COXFA4L3: variants seen among roughly 807,000 people sequenced by gnomAD.
COXFA4L3 encodes the protein MIR147B host.
the COXFA4L3 span, chr15:45,432,238 T>C: frequency 4.5e-6 from 4 of 883,150 alleles, no homozygotes; most frequent in East Asian, 2.6e-5. Flanking sequence ...CTTAGATCAA[T>C]TGTGCCTTCA....
At chr15:45,433,117 C>A in the COXFA4L3 span, 1 of 1,234,172 alleles carries the variant, frequency 8.1e-7, no homozygotes, top group Non-Finnish European at 1.2e-6. Context: ...AATGCTTCTG[C>A]TACATTTTTA....
chr15:45,432,156 G>T, the COXFA4L3 span: 1 of 1,604,972 alleles, frequency 6.2e-7, no homozygotes, highest in Non-Finnish European at 8.5e-7. Flanking sequence ...AAAAACAAAT[G>T]ATTTATATTT....
the COXFA4L3 span, chr15:45,431,396 C>T: frequency 4.3e-5 from 10 of 235,136 alleles, no homozygotes; most frequent in South Asian, 1.7e-4. Flanking sequence ...TGAAGTAAAG[C>T]TTGTTTTTTT....
At chr15:45,430,969 C>A in the COXFA4L3 span, 1 of 1,603,420 alleles carries the variant, frequency 6.2e-7, no homozygotes, top group East Asian at 2.2e-5. Context: ...TTGAAGTGTC[C>A]AAATGTGTCC....
At chr15:45,432,035 C>A in the COXFA4L3 span, 1 of 1,584,606 alleles carries the variant, frequency 6.3e-7, no homozygotes. Context: ...TTTAAATTCA[C>A]ATCTTTTAAT....
At chr15:45,432,480 C>T in the COXFA4L3 span, among the ~76,000 whole-genome samples, 1 of 152,190 alleles carries the variant, frequency 6.6e-6, no homozygotes, top group Non-Finnish European at 1.5e-5. Flanking sequence ...GCTTGGCCAA[C>T]ATGGTGAAAT....
the COXFA4L3 span, chr15:45,431,399 GT>G: frequency 0.015 from 2,678 of 183,314 alleles, no homozygotes; most frequent in Middle Eastern, 0.038. Flanking sequence ...AGTAAAGCTT[GT>G]TTTTTTTTTT....
At chr15:45,431,967 C>T in the COXFA4L3 span, 7 of 886,750 alleles carry the variant, frequency 7.9e-6, no homozygotes, top group Admixed American at 1.6e-4. Context: ...CAGACACATG[C>T]CTTAGTATGA....
At chr15:45,431,325 A>G in the COXFA4L3 span, 1 of 412,328 alleles carries the variant, frequency 2.4e-6, no homozygotes, top group Non-Finnish European at 4.3e-6. Context: ...GATATTAATC[A>G]AATTAGTTTA....
At chr15:45,430,673 A>G in the COXFA4L3 span, 3 of 843,992 alleles carry the variant, frequency 3.6e-6, no homozygotes, top group African/African-American at 1.7e-5. Context: ...TCCCATCTGC[A>G]GAGACGCGGA....
the COXFA4L3 span, chr15:45,432,138 G>A: frequency 1.1e-5 from 18 of 1,610,174 alleles, no homozygotes; most frequent in Non-Finnish European, 1.5e-5. Context: ...AAAAGGTATT[G>A]TTAAATTAAA....
chr15:45,432,157 A>C, the COXFA4L3 span: 6 of 1,604,636 alleles, frequency 3.7e-6, no homozygotes, highest in Non-Finnish European at 5.1e-6. Context: ...AAAACAAATG[A>C]TTTATATTTT....
the COXFA4L3 span, among the ~76,000 whole-genome samples, chr15:45,431,563 A>G: frequency 6.6e-6 from 1 of 152,170 alleles, no homozygotes; most frequent in Non-Finnish European, 1.5e-5. Context: ...CCTAATCTCA[A>G]CTTTGGGTAG....
the COXFA4L3 span, chr15:45,430,917 A>AAAATAAATAC: frequency 1.3e-6 from 2 of 1,568,996 alleles, no homozygotes; most frequent in East Asian, 4.5e-5. Context: ...AACAAAGTAT[A>AAAATAAATAC]AAATAAATAC....
chr15:45,432,012 G>A, the COXFA4L3 span: 7 of 1,423,340 alleles, frequency 4.9e-6, no homozygotes, highest in Non-Finnish European at 6.9e-6. Context: ...TATAAACCCA[G>A]TATCAGTGTT....
the COXFA4L3 span, chr15:45,433,001 A>G: frequency 2.5e-6 from 4 of 1,613,832 alleles, no homozygotes; most frequent in Non-Finnish European, 3.4e-6. Flanking sequence ...AAAATGTCCA[A>G]AGGGTGACCA....
the COXFA4L3 span, chr15:45,430,791 GTCA>G: frequency 6.2e-7 from 1 of 1,611,014 alleles, no homozygotes; most frequent in Non-Finnish European, 8.5e-7. Context: ...CTTCGCTGAA[GTCA>G]TCATGAGCTT....
At chr15:45,432,143 A>G in the COXFA4L3 span, 1 of 1,609,638 alleles carries the variant, frequency 6.2e-7, no homozygotes. Flanking sequence ...GTATTGTTAA[A>G]TTAAAAACAA....
At chr15:45,433,092 A>G in the COXFA4L3 span, 1 of 1,397,560 alleles carries the variant, frequency 7.2e-7, no homozygotes, top group Non-Finnish European at 1.0e-6. Context: ...TAGATTCTGG[A>G]CACCAGTGTG....
Sources: gnomAD v4.1 joint callset for allele counts (sites outside exome capture counted in the v4.1 genomes callset) on GRCh38, gnomAD v4.1.1 for gene constraint, MANE v1.5 for transcripts, NCBI Gene and HGNC (gene_info 2026-07-23, HGNC 2026-07-21) for gene names.